SLC17A5: variants seen among roughly 807,000 people sequenced by gnomAD.
SLC17A5 encodes sialin.
SLC17A5 carries 47 observed loss-of-function variants against 59.4 expected under a neutral mutation model. That is an observed-to-expected ratio of 0.79 (90% CI 0.63 to 1.01). The LOEUF is 1.01. SLC17A5 is among the 50% of genes least tolerant of loss of function. The pLI is 0.00. For synonymous variants in SLC17A5, 202 were observed against 210.7 expected (o/e 0.96, Z 0.36); for missense variants, 522 against 595.5 (o/e 0.88, Z 1.28).
rs542162119 is a variant in SLC17A5, at chr6:73,652,534, T to C, written c.94+1259A>G. Among the ~76,000 whole-genome samples the C allele has an allele frequency of 1.2e-4, 18 of 152,368 alleles. No homozygotes were observed. The South Asian group carries it at 3.7e-3, about 32-fold the overall frequency. The stretch of plus-strand genomic sequence containing the variant: ...TTTTGATTATACATATACATATTTT[T>C]CAATTGTAACAATGTAATAATCTCT... On this transcript the variant is annotated intron_variant, in intron 1 of 10. Transcript: ENST00000355773.
intron 4 of SLC17A5, among the ~76,000 whole-genome samples, chr6:73,638,090 CAAAAAT>C (rs1351022853): frequency 1.4e-5 from 2 of 146,086 alleles, no homozygotes; most frequent in Non-Finnish European, 3.0e-5. Flanking sequence ...TCTAAACAAA[CAAAAAT>C]AAAATTTAAA....
chr6:73,638,776 C>G (rs1188591343), intron 3 of SLC17A5, among the ~76,000 whole-genome samples: 5 of 151,632 alleles, frequency 3.3e-5, no homozygotes, highest in African/African-American at 1.2e-4. Flanking sequence ...TCGAGATCAG[C>G]CTGGGTAACG....
intron 9 of SLC17A5, among the ~76,000 whole-genome samples, chr6:73,602,999 T>G (rs1296997079): frequency 6.6e-6 from 1 of 152,152 alleles, no homozygotes; most frequent in African/African-American, 2.4e-5. Flanking sequence ...GAAGTAAAAT[T>G]ACCTATAATT....
chr6:73,602,919 TTC>T (rs1767216438), intron 9 of SLC17A5, among the ~76,000 whole-genome samples: 1 of 152,180 alleles, frequency 6.6e-6, no homozygotes, highest in African/African-American at 2.4e-5. Flanking sequence ...TAAAAAAAAT[TTC>T]TTTCCTGATT....
intron 10 of SLC17A5, 106 bp downstream of exon 10, chr6:73,600,245 T>C (rs1766993297): frequency 1.1e-6 from 1 of 891,078 alleles, no homozygotes; most frequent in African/African-American, 1.7e-5. Flanking sequence ...TAAAAAGAAT[T>C]TCATAAGAAC....
chr6:73,604,298 A>C (rs930067293), intron 9 of SLC17A5, among the ~76,000 whole-genome samples: 1 of 152,238 alleles, frequency 6.6e-6, no homozygotes, highest in African/African-American at 2.4e-5. Flanking sequence ...TCACTTGGCC[A>C]GGACAGGCCA....
At chr6:73,607,395 G>A (rs1349744667) in intron 9 of SLC17A5, among the ~76,000 whole-genome samples, 1 of 151,400 alleles carries the variant, frequency 6.6e-6, no homozygotes, top group Non-Finnish European at 1.5e-5. Flanking sequence ...ATCCTTCCAA[G>A]TAGCTGGGAT....
chr6:73,623,443 T>A (rs1020966312), intron 6 of SLC17A5, among the ~76,000 whole-genome samples: 2 of 151,962 alleles, frequency 1.3e-5, no homozygotes, highest in Non-Finnish European at 2.9e-5. Flanking sequence ...TCAAGCAATC[T>A]CCGGCCTCAG....
chr6:73,633,698 G>T (rs1768870666), intron 6 of SLC17A5, among the ~76,000 whole-genome samples: 1 of 151,862 alleles, frequency 6.6e-6, no homozygotes, highest in African/African-American at 2.4e-5. Context: ...GGCCAATAAG[G>T]TGAAATCCCG....
chr6:73,647,585 T>G (rs1769640650), intron 1 of SLC17A5, among the ~76,000 whole-genome samples: 1 of 152,236 alleles, frequency 6.6e-6, no homozygotes, highest in African/African-American at 2.4e-5. Flanking sequence ...CATTATTAGT[T>G]TTCCCTAAGT....
intron 8 of SLC17A5, among the ~76,000 whole-genome samples, chr6:73,612,065 T>G (rs940014851): frequency 6.6e-6 from 1 of 152,118 alleles, no homozygotes; most frequent in Non-Finnish European, 1.5e-5. Context: ...CAGGCTGGAG[T>G]GCAGTGGCAC....
At position 73,612,702 on chromosome 6, in the gene SLC17A5, G is replaced by C. The variant is rs374605439; in HGVS notation, c.1112-2155C>G. On this transcript the variant is annotated intron_variant, in intron 8 of 10. Transcript: ENST00000355773. ...AGATTTTCTCACCTTAGCCTCTGGAGTAGCTGGGACTACAGATACATACCA... is the reference window on the plus strand; with the variant it reads ...AGATTTTCTCACCTTAGCCTCTGGACTAGCTGGGACTACAGATACATACCA... Among the ~76,000 whole-genome samples, 6 of 152,106 alleles carry C rather than the reference G, an allele frequency of 3.9e-5. No individual in the cohort carries two copies. In the East Asian group the frequency reaches 5.8e-4, roughly 15 times the overall value.
At chr6:73,639,562 C>A (rs1488907150) in intron 3 of SLC17A5, among the ~76,000 whole-genome samples, 1 of 152,058 alleles carries the variant, frequency 6.6e-6, no homozygotes, top group Non-Finnish European at 1.5e-5. Flanking sequence ...GAAATGCCCA[C>A]AGAGATTATG....
rs746620987 is a variant in SLC17A5 at position 73,620,784 on chromosome 6, T to C, written c.978+1020A>G. On this transcript the variant is annotated intron_variant, in intron 7 of 10. Coordinates refer to ENST00000355773, the MANE Select transcript of SLC17A5 (RefSeq NM_012434.5). ...CTGCCCAGGCTGGAGTGCAGGGGCA[T>C]GACCTCAGCTCACTGCAACCTTCGC... Among the ~76,000 whole-genome samples, 31 of 151,864 alleles carry C rather than the reference T, an allele frequency of 2.0e-4. 1 individual carries two copies. In the South Asian group the frequency reaches 2.7e-3, roughly 13 times the overall value.
chr6:73,618,239 A>G (rs56086551), intron 7 of SLC17A5: 30,108 of 138,726 alleles, frequency 0.22, 3,434 homozygotes, highest in Non-Finnish European at 0.25. Flanking sequence ...AAAATAAAAT[A>G]AAATGAAATA....
intron 6 of SLC17A5, among the ~76,000 whole-genome samples, chr6:73,622,972 A>G (rs1741886): frequency 0.16 from 24,633 of 152,120 alleles, 3,064 homozygotes; most frequent in African/African-American, 0.34. Flanking sequence ...CAATTCAGAG[A>G]GGTTAATAAT....
At chr6:73,648,821 C>T (rs1769705013) in intron 1 of SLC17A5, among the ~76,000 whole-genome samples, 1 of 151,854 alleles carries the variant, frequency 6.6e-6, no homozygotes, top group Admixed American at 6.6e-5. Flanking sequence ...ACAGATGGAA[C>T]AATCCAAGCA....
At chr6:73,649,120 C>A (rs1189420572) in intron 1 of SLC17A5, among the ~76,000 whole-genome samples, 1 of 151,968 alleles carries the variant, frequency 6.6e-6, no homozygotes. Flanking sequence ...GCCTCAGCCT[C>A]CCGAGTAGCT....
At chr6:73,618,618 A>C in intron 7 of SLC17A5, 1 of 450,266 alleles carries the variant, frequency 2.2e-6, no homozygotes, top group Non-Finnish European at 4.2e-6. Flanking sequence ...AATCAAGATG[A>C]GTGGAAAACC....
Sources: allele counts gnomAD v4.1 joint callset (sites outside exome capture counted in the v4.1 genomes callset), GRCh38; gene constraint gnomAD v4.1.1; transcripts MANE v1.5; gene names NCBI Gene and HGNC (gene_info 2026-07-23, HGNC 2026-07-21).